Variants in TRAPPC9 observed in about 807,000 individuals in gnomAD.
TRAPPC9 encodes trafficking protein particle complex subunit 9.
Under a neutral mutation model 124.0 loss-of-function variants are expected in TRAPPC9, and 83 were observed. The ratio of observed to expected loss-of-function variants is 0.67; its 90% confidence interval spans 0.56 to 0.80. The LOEUF (loss-of-function observed/expected upper bound fraction) is 0.80. Among genes scored for constraint, TRAPPC9 ranks in the 30% least tolerant of loss-of-function variants. The pLI, the probability that TRAPPC9 is intolerant of heterozygous loss-of-function variation, is 0.00. For synonymous variants in TRAPPC9, 638 were observed against 617.5 expected (o/e 1.03, Z -0.49); for missense variants, 1,302 against 1,508.3 (o/e 0.86, Z 2.27).
At chr8:140,132,537 G>A (rs1327550222) in intron 17 of TRAPPC9, among the ~76,000 whole-genome samples, 2 of 152,096 alleles carry the variant, frequency 1.3e-5, no homozygotes, top group Admixed American at 6.5e-5. Context: ...ACTCCATCAA[G>A]CCCACCAACG....
At chr8:139,935,129 C>T (rs1463793023) in intron 19 of TRAPPC9, among the ~76,000 whole-genome samples, 1 of 152,152 alleles carries the variant, frequency 6.6e-6, no homozygotes, top group South Asian at 2.1e-4. Context: ...AAGACATCAC[C>T]GTGCGAGAGA....
Position 140,243,572 on chromosome 8 carries a change from G to A in TRAPPC9, c.2431+9205C>T, listed in dbSNP as rs138250721. On this transcript the variant is annotated intron_variant, in intron 16 of 22. Transcript: ENST00000438773. ...TTCCCCATGGTGTTCAAATTCATGG[G>A]ATAAAATGGGCACTACTCACCAAAG... is the stretch of plus-strand genomic sequence containing the variant. Among the ~76,000 whole-genome samples the A allele has an allele frequency of 3.2e-3, 493 of 152,276 alleles. 4 individuals carry two copies. The highest frequency in any genetic ancestry group is 0.011 in the African/African-American group (467 of 41,534).
chr8:140,444,378 T>C (rs1273161399), intron 2 of TRAPPC9, among the ~76,000 whole-genome samples: 9 of 152,152 alleles, frequency 5.9e-5, no homozygotes, highest in Non-Finnish European at 5.9e-5. Flanking sequence ...CCCTTCCTGA[T>C]CTGCCCTTCT....
intron 17 of TRAPPC9, among the ~76,000 whole-genome samples, chr8:140,197,662 A>G (rs992732235): frequency 3.3e-5 from 5 of 152,024 alleles, no homozygotes; most frequent in Non-Finnish European, 5.9e-5. Flanking sequence ...CCACAATCCA[A>G]CCCTTAGGGA....
chr8:140,023,777 T>C (rs1470334783), intron 18 of TRAPPC9, among the ~76,000 whole-genome samples, 160 bp downstream of exon 18: 1 of 151,892 alleles, frequency 6.6e-6, no homozygotes, highest in Non-Finnish European at 1.5e-5. Context: ...TAACACCTGG[T>C]TTCCTAAAGA....
chr8:140,075,038 T>C (rs538127753), intron 17 of TRAPPC9, among the ~76,000 whole-genome samples: 40 of 152,222 alleles, frequency 2.6e-4, no homozygotes, highest in African/African-American at 8.7e-4. Context: ...ATCTGAAGCC[T>C]AGACCTCCTG....
intron 17 of TRAPPC9, among the ~76,000 whole-genome samples, chr8:140,158,549 T>C (rs2061692730): frequency 6.6e-6 from 1 of 152,254 alleles, no homozygotes; most frequent in African/African-American, 2.4e-5. Context: ...CAAATTTGTG[T>C]TGTTTTAAGC....
intron 21 of TRAPPC9, among the ~76,000 whole-genome samples, chr8:139,876,099 T>C (rs892287905): frequency 1.3e-5 from 2 of 152,242 alleles, no homozygotes; most frequent in African/African-American, 2.4e-5. Context: ...ATGAATTTCA[T>C]GTTAGAAATA....
chr8:140,445,147 C>A (rs2071196627), intron 2 of TRAPPC9, among the ~76,000 whole-genome samples: 1 of 152,202 alleles, frequency 6.6e-6, no homozygotes, highest in Non-Finnish European at 1.5e-5. Flanking sequence ...CCATGGCCTC[C>A]CAGTTTCCCC....
chr8:140,256,747 G>A (rs992588999), intron 15 of TRAPPC9, among the ~76,000 whole-genome samples: 10 of 152,098 alleles, frequency 6.6e-5, no homozygotes, highest in African/African-American at 2.4e-4. Flanking sequence ...CATTGGCTGT[G>A]TTACTTTTCT....
chr8:140,253,112 T>G, intron 15 of TRAPPC9, among the ~76,000 whole-genome samples, 183 bp from the exon 16 acceptor site: 1 of 114,088 alleles, frequency 8.8e-6, no homozygotes, highest in South Asian at 2.9e-4. Context: ...CAATCACCCC[T>G]GTTTATGAAG....
At chr8:140,141,293 T>A (rs1220077605) in intron 17 of TRAPPC9, among the ~76,000 whole-genome samples, 1 of 152,206 alleles carries the variant, frequency 6.6e-6, no homozygotes, top group Admixed American at 6.5e-5. Flanking sequence ...AGTAGCATGA[T>A]GAATCTCTCA....
chr8:139,746,615 G>A (rs1370799651), intron 21 of TRAPPC9, among the ~76,000 whole-genome samples: 5 of 152,208 alleles, frequency 3.3e-5, no homozygotes, highest in Non-Finnish European at 7.3e-5. Context: ...GTCCCCAGGT[G>A]AGCGCCAAAA....
intron 21 of TRAPPC9, among the ~76,000 whole-genome samples, chr8:139,779,078 T>A (rs1821591872): frequency 6.7e-6 from 1 of 149,796 alleles, no homozygotes. Flanking sequence ...TCAAAACCAG[T>A]GACAAGAATA....
At position 139,872,189 on chromosome 8, in the gene TRAPPC9, C is replaced by T. The variant is rs375420955; in HGVS notation, c.3055+13690G>A. Among the ~76,000 whole-genome samples the T allele has an allele frequency of 3.2e-3, 265 of 82,026 alleles. 2 individuals carry two copies. The highest frequency in any genetic ancestry group is 0.012 in the South Asian group (25 of 2,020). 53.8% of individuals were successfully genotyped at this position (82,026 alleles called of 152,430 possible). Reference sequence around the variant, plus strand: ...ATGGATGGATGAGTGGGCTGGTAGACGGGTTGGTGAGTAAATGGTTGGATG... The same window carrying T: ...ATGGATGGATGAGTGGGCTGGTAGATGGGTTGGTGAGTAAATGGTTGGATG... On this transcript the variant is annotated intron_variant, in intron 21 of 22. Transcript: ENST00000438773.
chr8:140,219,684 C>T (rs865919223), intron 17 of TRAPPC9, among the ~76,000 whole-genome samples: 4 of 152,162 alleles, frequency 2.6e-5, no homozygotes, highest in Admixed American at 6.5e-5. Context: ...ACTATCTCTT[C>T]GCTGCAAACC....
chr8:140,294,605 T>G (rs2131786852), intron 11 of TRAPPC9, among the ~76,000 whole-genome samples: 1 of 151,334 alleles, frequency 6.6e-6, no homozygotes, highest in Non-Finnish European at 1.5e-5. Flanking sequence ...AAATTTATTC[T>G]TCTTTTTTTT....
chr8:140,129,005 T>TATAA (rs1563783126), intron 17 of TRAPPC9, among the ~76,000 whole-genome samples: 1 of 134,754 alleles, frequency 7.4e-6, no homozygotes, highest in African/African-American at 2.8e-5. Flanking sequence ...ATATATATAT[T>TATAA]AAAAAAAAAA....
At chr8:140,329,758 T>C (rs1345034497) in intron 9 of TRAPPC9, among the ~76,000 whole-genome samples, 1 of 152,116 alleles carries the variant, frequency 6.6e-6, no homozygotes, top group Non-Finnish European at 1.5e-5. Flanking sequence ...CCTGGGGTTA[T>C]TAAGGTAATA....
Sources: gnomAD v4.1 joint callset for allele counts (sites outside exome capture counted in the v4.1 genomes callset) on GRCh38, gnomAD v4.1.1 for gene constraint, MANE v1.5 for transcripts, NCBI Gene and HGNC (gene_info 2026-07-23, HGNC 2026-07-21) for gene names.